The following TULP1 variants were observed in gnomAD, a reference collection of about 807,000 sequenced individuals.
TULP1 encodes tubby-related protein 1.
In TULP1, 50 loss-of-function variants were observed where a neutral mutation model predicts 67.1. The observed-to-expected ratio is 0.75, with a 90% CI of 0.59 to 0.94. The LOEUF (loss-of-function observed/expected upper bound fraction) is 0.94, where lower values mean the gene tolerates loss of function less well. Ranked by LOEUF, TULP1 falls within the 40% of genes least tolerant of loss-of-function variation. The pLI is 0.00. For missense variants in TULP1, 746 were observed against 734.1 expected, an observed-to-expected ratio of 1.02 and a Z score of -0.19; for synonymous variants, 297 against 294.0, an observed-to-expected ratio of 1.01 and a Z score of -0.11.
intron 11 of TULP1, among the ~76,000 whole-genome samples, chr6:35,504,703 G>A (rs1334708438): frequency 6.6e-6 from 1 of 151,884 alleles, no homozygotes; most frequent in Admixed American, 6.6e-5. Context: ...TGGGACTACA[G>A]GGCCTGCCAG....
Position 35,498,203 on chromosome 6 carries a change from G to A in TULP1, c.*124C>T, listed in dbSNP as rs1768742677. 1.4e-6 allele frequency: 2 copies of A among 1,455,562 alleles called. No individual in the cohort carries two copies. Among genetic ancestry groups the A allele is most frequent in the South Asian group, 2.6e-5 (2 of 78,346 alleles). 90.2% of individuals were successfully genotyped at this position (1,455,562 alleles called of 1,614,324 possible). A position where few individuals can be genotyped will look rare whatever the true frequency, so the allele number is the denominator to read the frequency against. ...AGGACGGAGGTCACCGAGAGGCAGTGAGAGGTCAGCCCCGACACAGGAGCA... is the reference window on the plus strand; with the variant it reads ...AGGACGGAGGTCACCGAGAGGCAGTAAGAGGTCAGCCCCGACACAGGAGCA... On this transcript the variant is annotated 3_prime_UTR_variant, in exon 15 of 15. Transcript: ENST00000229771. The surrounding 1 kb of genome is among the most constrained non-coding windows in gnomAD (Gnocchi z 6.7).
intron 13 of TULP1, among the ~76,000 whole-genome samples, chr6:35,500,896 T>C (rs1245663371): frequency 6.6e-6 from 1 of 152,164 alleles, no homozygotes; most frequent in Non-Finnish European, 1.5e-5. Flanking sequence ...AGGACAACTG[T>C]GGGGCCCACA....
Position 35,498,297 on chromosome 6 carries a change from G to C in TULP1, c.*30C>G, listed in dbSNP as rs755548574. The C allele has an allele frequency of 6.2e-7, 1 of 1,610,276 alleles. No homozygotes were observed. The highest frequency in any genetic ancestry group is 1.1e-5 in the South Asian group (1 of 90,672). On this transcript the variant is annotated 3_prime_UTR_variant, in exon 15 of 15. Transcript: ENST00000229771. This position sits in a 1 kb window ranked among gnomAD's most constrained non-coding sequence, Gnocchi z 6.7. ...CTGAATCCTTTCCCCCACGCTGACG[G>C]GCTCTGGGGGCGCTGAGGGGCTGCT... is the stretch of plus-strand genomic sequence containing the variant.
At chr6:35,500,423 T>C (rs1768815002) in intron 13 of TULP1, among the ~76,000 whole-genome samples, 1 of 152,130 alleles carries the variant, frequency 6.6e-6, no homozygotes, top group Non-Finnish European at 1.5e-5. Context: ...CTCCATGCCA[T>C]TGGTACCCAG....
intron 14 of TULP1, among the ~76,000 whole-genome samples, 184 bp downstream of exon 14, chr6:35,499,797 A>G (rs552635129): frequency 6.6e-6 from 1 of 152,324 alleles, no homozygotes; most frequent in East Asian, 1.9e-4. Flanking sequence ...CCTGCTTAGA[A>G]TATCTGAGGC....
At chr6:35,500,282 G>A in intron 13 of TULP1, 130 bp from the exon 14 acceptor site, 4 of 996,134 alleles carry the variant, frequency 4.0e-6, no homozygotes, top group South Asian at 1.3e-5. Context: ...ATCCATTAGG[G>A]TATCTGAGAA....
At chr6:35,507,309 G>A (rs1761106680) in intron 8 of TULP1, among the ~76,000 whole-genome samples, 1 of 151,644 alleles carries the variant, frequency 6.6e-6, no homozygotes, top group South Asian at 2.1e-4. Context: ...TATTTTAGAA[G>A]TGGATCCTTC....
Position 35,509,671 on chromosome 6 carries a change from C to T in TULP1, c.681G>A (p.Gly227=), listed in dbSNP as rs180925891. ...GGGCTTTCTTGTCAGGACTGCCTTC[C>T]CCAACCAGAAACATGGCTGCTGGGC... is the stretch of plus-strand genomic sequence containing the variant. ...RKSPAAMFLV[G]EGSPDKKALK... is the part of the protein sequence containing the mutation. The change falls in exon 7 of 15, where the codon GGG becomes GGA. Residue 227 remains glycine, a synonymous_variant. Transcript: ENST00000229771. 1.9e-6 allele frequency: 3 copies of T among 1,614,102 alleles called. No homozygotes were observed. The African/African-American group carries it at 4.0e-5, about 22-fold the overall frequency.
At chr6:35,507,577 A>G (rs1487117147) in intron 8 of TULP1, among the ~76,000 whole-genome samples, 1 of 152,206 alleles carries the variant, frequency 6.6e-6, no homozygotes, top group Non-Finnish European at 1.5e-5. Context: ...ATTTGGTGAC[A>G]TAAAGCCCTA....
chr6:35,498,180 G>A lies in TULP1; in HGVS notation c.*147C>T. ...TCGGCCTGTGCCAGGCTGGGGAGAG[G>A]ACGGAGGTCACCGAGAGGCAGTGAG... On this transcript the variant is annotated 3_prime_UTR_variant, in exon 15 of 15. Coordinates refer to ENST00000229771, the MANE Select transcript of TULP1 (RefSeq NM_003322.6). This position sits in a 1 kb window ranked among gnomAD's most constrained non-coding sequence, Gnocchi z 6.7. 2.2e-6 allele frequency: 3 copies of A among 1,335,920 alleles called. No homozygotes were observed. The highest frequency in any genetic ancestry group is 2.8e-5 in the South Asian group (2 of 72,308). 82.8% of individuals were successfully genotyped at this position (1,335,920 alleles called of 1,614,324 possible).
chr6:35,500,279 A>C lies in TULP1; in HGVS notation c.1324-127T>G, dbSNP rs370204781. The C allele has an allele frequency of 1.2e-4, 118 of 1,001,268 alleles. No individual in the cohort carries two copies. In the East Asian group the frequency reaches 2.5e-3, roughly 21 times the overall value. 62.0% of individuals were successfully genotyped at this position (1,001,268 alleles called of 1,614,324 possible). A position where few individuals can be genotyped will look rare whatever the true frequency, so the allele number is the denominator to read the frequency against. Reference sequence around the variant, plus strand: ...TGTGGCCTGGACATCTTCATCCATTAGGGTATCTGAGAATAGGCTTGGCAT... The same window carrying C: ...TGTGGCCTGGACATCTTCATCCATTCGGGTATCTGAGAATAGGCTTGGCAT... On this transcript the variant is annotated intron_variant, in intron 13 of 14. Transcript: ENST00000229771.
At position 35,511,821 on chromosome 6, in the gene TULP1, G is replaced by A. The variant is rs541216107; in HGVS notation, c.191-15C>T. 5.9e-6 allele frequency: 9 copies of A among 1,537,238 alleles called. No homozygotes were observed. In the South Asian group the frequency reaches 7.3e-5, roughly 13 times the overall value. On this transcript the variant is annotated splice_polypyrimidine_tract_variant and intron_variant, in intron 3 of 14. Transcript: ENST00000229771. ...CGTCCGCCCAGCTGAGCCGAGATGC[G>A]GGGTTCAGACAGGGTCCCATCCGCG...
chr6:35,500,196 A>G (rs757165403), intron 13 of TULP1, 44 bp from the exon 14 acceptor site: 1 of 1,605,314 alleles, frequency 6.2e-7, no homozygotes, highest in East Asian at 2.2e-5. Context: ...ACAGTTAGAG[A>G]TGGCTGAGAT....
rs755892870 is a variant in TULP1 at position 35,509,855 on chromosome 6, C to G, written c.573G>C (p.Gly191=). ...VRNKEAPAGE[G]TKMRKTKKKG... The stretch of plus-strand genomic sequence containing the variant: ...TCTTCTTGGTCTTTCTCATCTTGGT[C>G]CCCTCCCCTGCTGGAGCTTCCTTAT... Residue 191 remains glycine (G), a synonymous_variant, in exon 6 of 15, where the codon GGG becomes GGC. Transcript: ENST00000229771. 2 of 1,613,908 alleles carry G rather than the reference C, an allele frequency of 1.2e-6. 1 individual carries two copies. The highest frequency in any genetic ancestry group is 1.7e-6 in the Non-Finnish European group (2 of 1,180,034).
At chr6:35,501,924 C>T (rs1393992551) in intron 13 of TULP1, among the ~76,000 whole-genome samples, 2 of 152,206 alleles carry the variant, frequency 1.3e-5, no homozygotes, top group Non-Finnish European at 2.9e-5. Context: ...GTCTACCCCT[C>T]ACTTCTCTGA....
intron 2 of TULP1, 104 bp downstream of exon 2, chr6:35,512,535 A>T (rs1761232102): frequency 2.0e-6 from 3 of 1,471,428 alleles, no homozygotes; most frequent in African/African-American, 2.8e-5. Flanking sequence ...CAACCCCCAG[A>T]CCCTGCTAAG....
chr6:35,500,831 C>A (rs1295803448), intron 13 of TULP1, among the ~76,000 whole-genome samples: 1 of 152,174 alleles, frequency 6.6e-6, no homozygotes, highest in African/African-American at 2.4e-5. Context: ...TGGGCCCAAA[C>A]AAGGGCAGGA....
Position 35,511,009 on chromosome 6 carries a change from CTCT to C in TULP1, c.350-2_350del, listed in dbSNP as rs281865167. ...CCTCGTCCTCCTCTTCCTCCTCCTC[CTCT>C]GCAGGTAGAAACTCTTCATAATGGG... On this transcript the variant is annotated splice_acceptor_variant and coding_sequence_variant, in exon 5 of 15. Transcript: ENST00000229771. LOFTEE classifies it high-confidence loss of function. 6.2e-7 allele frequency: 1 copy of C among 1,605,276 alleles called. No homozygotes were observed. Among genetic ancestry groups the C allele is most frequent in the Admixed American group, 1.7e-5 (1 of 60,028 alleles).
rs1280436586 is a variant in TULP1, at chr6:35,503,485, G to T, written c.1323+74C>A. Reference sequence around the variant, plus strand: ...GGTGATGGATGTGCTCAGGGAGTTGGCTATTTCCTAAGCTGAGCCCCGACT... The same window carrying T: ...GGTGATGGATGTGCTCAGGGAGTTGTCTATTTCCTAAGCTGAGCCCCGACT... On this transcript the variant is annotated intron_variant, in intron 13 of 14. Coordinates refer to ENST00000229771, the MANE Select transcript of TULP1 (RefSeq NM_003322.6). This position sits in a 1 kb window ranked among gnomAD's most constrained non-coding sequence, Gnocchi z 4.0. 2 of 1,421,246 alleles carry T rather than the reference G, an allele frequency of 1.4e-6. No individual in the cohort carries two copies. Among genetic ancestry groups the T allele is most frequent in the Non-Finnish European group, 1.9e-6 (2 of 1,033,070 alleles). 88.0% of individuals were successfully genotyped at this position (1,421,246 alleles called of 1,614,324 possible). A position where few individuals can be genotyped will look rare whatever the true frequency, so the allele number is the denominator to read the frequency against.
Sources: gnomAD v4.1 joint callset for allele counts (sites outside exome capture counted in the v4.1 genomes callset) on GRCh38, gnomAD v4.1.1 for gene constraint, Gnocchi (gnomAD v3.1) non-coding constraint, MANE v1.5 for transcripts, NCBI Gene and HGNC (gene_info 2026-07-23, HGNC 2026-07-21) for gene names.